The following SAMD3 variants were observed in gnomAD, a reference collection of about 807,000 sequenced individuals.
SAMD3 encodes the protein sterile alpha motif domain-containing protein 3.
In SAMD3, 63 loss-of-function variants were observed where a neutral mutation model predicts 58.5. The ratio of observed to expected loss-of-function variants is 1.08; its 90% CI spans 0.88 to 1.33. The LOEUF is 1.33. Ranked by LOEUF, SAMD3 falls within the 40% of genes most tolerant of loss-of-function variation. The probability of loss-of-function intolerance (pLI) is 0.00; values close to 1 mark genes in which losing one functional copy is unlikely to be tolerated. For synonymous variants in SAMD3, 220 were observed against 210.3 expected (o/e 1.05, Z -0.40); for missense variants, 604 against 608.4 (o/e 0.99, Z 0.08).
intron 5 of SAMD3, among the ~76,000 whole-genome samples, chr6:130,195,148 C>T (rs1793971653): frequency 6.6e-6 from 1 of 152,122 alleles, no homozygotes; most frequent in South Asian, 2.1e-4. Flanking sequence ...TATTCCTGGA[C>T]TACAGCCGCA....
At chr6:130,211,751 G>A (rs12110951) in intron 4 of SAMD3, among the ~76,000 whole-genome samples, 11,057 of 151,896 alleles carry the variant, frequency 0.073, 469 homozygotes, top group South Asian at 0.13. Flanking sequence ...CATGTCATCA[G>A]GACCTCCTGA....
intron 5 of SAMD3, 51 bp downstream of exon 5, chr6:130,209,444 T>C (rs781114351): frequency 2.1e-6 from 2 of 950,538 alleles, no homozygotes; most frequent in South Asian, 1.5e-5. Context: ...CAAAAAGAAA[T>C]AGAGAAGAAT....
chr6:130,251,797 G>C (rs1280974748), intron 2 of SAMD3, among the ~76,000 whole-genome samples: 2 of 152,250 alleles, frequency 1.3e-5, no homozygotes, highest in South Asian at 4.1e-4. Context: ...AGGAAGGTAT[G>C]AGTCCTCCAA....
At chr6:130,346,772 G>C (rs6921697) in intron 1 of SAMD3, among the ~76,000 whole-genome samples, 4 of 152,210 alleles carry the variant, frequency 2.6e-5, no homozygotes, top group Admixed American at 2.6e-4. Flanking sequence ...AGAACGGACA[G>C]ACTGTCTCCT....
chr6:130,184,265 T>G (rs1792709475), intron 6 of SAMD3, 78 bp from the exon 7 acceptor site: 5 of 1,265,094 alleles, frequency 4.0e-6, no homozygotes, highest in Non-Finnish European at 5.5e-6. Context: ...CTAATTACAC[T>G]CATTTTTCTT....
chr6:130,334,178 A>G (rs760107258), intron 1 of SAMD3, among the ~76,000 whole-genome samples: 1 of 152,190 alleles, frequency 6.6e-6, no homozygotes, highest in Non-Finnish European at 1.5e-5. Context: ...TCCTGCCACA[A>G]ATATCATCTG....
At chr6:130,276,256 G>A (rs56175515) in intron 2 of SAMD3, among the ~76,000 whole-genome samples, 21,986 of 152,086 alleles carry the variant, frequency 0.14, 4,206 homozygotes, top group African/African-American at 0.44. Context: ...CTTGATTTTA[G>A]CTCAGAAAAC....
intron 9 of SAMD3, among the ~76,000 whole-genome samples, chr6:130,148,212 C>A (rs1788812954): frequency 6.6e-6 from 1 of 152,136 alleles, no homozygotes; most frequent in South Asian, 2.1e-4. Flanking sequence ...GATTAGTTGG[C>A]TTTCTATTTT....
intron 2 of SAMD3, among the ~76,000 whole-genome samples, chr6:130,304,657 T>C (rs1190165188): frequency 6.6e-6 from 1 of 152,170 alleles, no homozygotes; most frequent in African/African-American, 2.4e-5. Context: ...TTCCGGACTC[T>C]TGGAATTCAG....
At chr6:130,341,206 A>T (rs1470678063) in intron 1 of SAMD3, among the ~76,000 whole-genome samples, 1 of 152,172 alleles carries the variant, frequency 6.6e-6, no homozygotes, top group African/African-American at 2.4e-5. Context: ...AGTGATAATA[A>T]CCAATATGGT....
chr6:130,199,017 G>A (rs560752273), intron 5 of SAMD3, among the ~76,000 whole-genome samples: 1 of 152,272 alleles, frequency 6.6e-6, no homozygotes, highest in African/African-American at 2.4e-5. Flanking sequence ...CTCCTACTTT[G>A]AGGAACTGTG....
Position 130,222,686 on chromosome 6 carries a change from A to T in SAMD3, c.-68+8T>A, listed in dbSNP as rs913191869. On this transcript the variant is annotated splice_region_variant and intron_variant, in intron 1 of 11. Coordinates refer to ENST00000439090, the MANE Select transcript of SAMD3 (RefSeq NM_001017373.4). ...TTTTATAGAGAAAAGGTAAAAAGTG[A>T]TATTTACGGATTATTGCTGGAGAGG... The T allele has an allele frequency of 1.3e-5, 2 of 152,180 alleles. No individual in the cohort carries two copies. Among genetic ancestry groups the T allele is most frequent in the Middle Eastern group, 3.2e-3 (1 of 316 alleles). The allele number at this position is 152,180 out of a possible 1,614,324, so 9.4% of individuals were successfully genotyped here.
At chr6:130,294,939 T>C in intron 2 of SAMD3, among the ~76,000 whole-genome samples, 1 of 111,938 alleles carries the variant, frequency 8.9e-6, no homozygotes, top group African/African-American at 7.3e-5. Flanking sequence ...TTTTTTTTTT[T>C]TTTTACGGAG....
At chr6:130,363,323 C>A (rs1479215029) in intron 1 of SAMD3, among the ~76,000 whole-genome samples, 1 of 152,174 alleles carries the variant, frequency 6.6e-6, no homozygotes, top group Non-Finnish European at 1.5e-5. Context: ...TGTTACATGA[C>A]CTCTTAAGAA....
At chr6:130,231,564 CA>C (rs1426814199) in intron 2 of SAMD3, among the ~76,000 whole-genome samples, 1 of 147,964 alleles carries the variant, frequency 6.8e-6, no homozygotes. Flanking sequence ...AACTCCGTCT[CA>C]AAAAAAAATA....
chr6:130,269,787 T>G (rs1197468492), intron 2 of SAMD3, among the ~76,000 whole-genome samples: 1 of 151,842 alleles, frequency 6.6e-6, no homozygotes, highest in Admixed American at 6.6e-5. Context: ...TTTTCTACTT[T>G]ATTCAGGTAG....
At chr6:130,348,134 T>C (rs572452594) in intron 1 of SAMD3, among the ~76,000 whole-genome samples, 11 of 152,250 alleles carry the variant, frequency 7.2e-5, no homozygotes, top group African/African-American at 2.6e-4. Flanking sequence ...TGCCAAATTG[T>C]AAAGAACATC....
chr6:130,210,676 C>T (rs1795464392), intron 4 of SAMD3, among the ~76,000 whole-genome samples: 1 of 151,864 alleles, frequency 6.6e-6, no homozygotes, highest in Admixed American at 6.6e-5. Context: ...CCCCTCCTCT[C>T]AGCTAAAGGC....
At chr6:130,168,527 G>GA (rs1790932969) in intron 8 of SAMD3, among the ~76,000 whole-genome samples, 1 of 151,984 alleles carries the variant, frequency 6.6e-6, no homozygotes, top group African/African-American at 2.4e-5. Context: ...ACCACCAAAG[G>GA]AAAAAAACAG....
Sources: gnomAD v4.1 joint callset for allele counts (sites outside exome capture counted in the v4.1 genomes callset) on GRCh38, gnomAD v4.1.1 for gene constraint, MANE v1.5 for transcripts, NCBI Gene and HGNC (gene_info 2026-07-23, HGNC 2026-07-21) for gene names.